FARP1: variants seen among roughly 807,000 people sequenced by gnomAD.
FARP1 encodes the protein FERM, ARH/RhoGEF and pleckstrin domain protein 1.
In FARP1, 52 loss-of-function variants were observed where a neutral mutation model predicts 128.8. The observed-to-expected ratio is 0.40, with a 90% CI of 0.32 to 0.51. FARP1 has a LOEUF of 0.51. Ranked by LOEUF, FARP1 falls within the 20% of genes least tolerant of loss-of-function variation. FARP1 has a pLI of 0.45. For missense variants in FARP1, 1,333 were observed against 1,367.9 expected, an observed-to-expected ratio of 0.97 and a Z score of 0.40; for synonymous variants, 580 against 551.8, an observed-to-expected ratio of 1.05 and a Z score of -0.72.
chr13:98,309,349 T>C (rs536774305), intron 2 of FARP1, among the ~76,000 whole-genome samples: 1 of 150,598 alleles, frequency 6.6e-6, no homozygotes. Context: ...TTTTGTATTT[T>C]TAGTAGAGAC....
At position 98,390,881 on chromosome 13, in the gene FARP1, G is replaced by A. The variant is rs1303860624; in HGVS notation, c.1088+1G>A. The stretch of plus-strand genomic sequence containing the variant: ...GACATAAGAAGGTGCAGTTTGAAAG[G>A]TAAGAGAAGCTTCAATGCTACTTCC... On this transcript the variant is annotated splice_donor_variant, in intron 11 of 26. Coordinates refer to ENST00000319562, the MANE Select transcript of FARP1 (RefSeq NM_005766.4). LOFTEE classifies it high-confidence loss of function. The A allele has an allele frequency of 6.2e-7, 1 of 1,607,618 alleles. No homozygotes were observed. Among genetic ancestry groups the A allele is most frequent in the Non-Finnish European group, 8.5e-7 (1 of 1,174,312 alleles).
At chr13:98,365,283 C>A in intron 3 of FARP1, 112 bp from the exon 4 acceptor site, 1 of 732,224 alleles carries the variant, frequency 1.4e-6, no homozygotes, top group Non-Finnish European at 2.3e-6. Flanking sequence ...GAACAGGCGG[C>A]CTCATATCCT....
At chr13:98,440,359 C>A in intron 23 of FARP1, 124 bp downstream of exon 23, 1 of 753,268 alleles carries the variant, frequency 1.3e-6, no homozygotes, top group East Asian at 2.5e-5. Context: ...TGTTTAAAGC[C>A]AAAGATCAAG....
chr13:98,318,958 T>TG lies in FARP1; in HGVS notation c.172-24804_172-24803insG, dbSNP rs1886868218. On this transcript the variant is annotated intron_variant, in intron 2 of 26. Transcript: ENST00000319562. ...GAGCTTAGTTTTTTCTTGTTTTTTT[T>TG]TTTTTTTTTTTGTTTGTTTGTTTTG... is the stretch of plus-strand genomic sequence containing the variant. Among the ~76,000 whole-genome samples the TG allele has an allele frequency of 2.0e-5, 3 of 147,056 alleles. No individual in the cohort carries two copies. The South Asian group carries it at 6.6e-4, about 32-fold the overall frequency.
intron 5 of FARP1, among the ~76,000 whole-genome samples, chr13:98,375,179 T>G (rs913926681): frequency 6.6e-6 from 1 of 152,188 alleles, no homozygotes; most frequent in Non-Finnish European, 1.5e-5. Context: ...TAGAGATTGT[T>G]CATTGGATTC....
intron 2 of FARP1, among the ~76,000 whole-genome samples, chr13:98,280,177 C>T (rs1201430855): frequency 4.6e-5 from 7 of 152,208 alleles, no homozygotes; most frequent in African/African-American, 7.2e-5. Context: ...AATCAGCTGG[C>T]GTCACTTCTG....
chr13:98,191,229 C>T (rs1224873654), intron 1 of FARP1, among the ~76,000 whole-genome samples: 1 of 152,168 alleles, frequency 6.6e-6, no homozygotes, highest in East Asian at 1.9e-4. Flanking sequence ...CCGTACTAAC[C>T]TTTGAGAACA....
rs1890489964 is a variant in FARP1 at position 98,395,448 on chromosome 13, T to C, written c.1386T>C (p.Ser462=). Residue 462 remains serine, a synonymous_variant, in exon 13 of 27, where the codon AGT becomes AGC. Transcript: ENST00000319562. ...TCGTTAAGGATAGGACCCAGCAGAG[T>C]AAACCTCAGCCCCCGCAGCCAAGCA... ...EEVVKDRTQQ[S]KPQPPQPSTG... 6.3e-7 allele frequency: 1 copy of C among 1,595,220 alleles called. No individual in the cohort carries two copies. Among genetic ancestry groups the C allele is most frequent in the Admixed American group, 1.7e-5 (1 of 59,312 alleles).
intron 2 of FARP1, among the ~76,000 whole-genome samples, chr13:98,268,450 C>G (rs118167446): frequency 6.6e-6 from 1 of 152,184 alleles, no homozygotes; most frequent in African/African-American, 2.4e-5. Flanking sequence ...TCTACGCTGA[C>G]TAAAGATTCT....
At chr13:98,407,078 A>G (rs1431657382) in intron 13 of FARP1, 2 of 152,636 alleles carry the variant, frequency 1.3e-5, no homozygotes, top group African/African-American at 2.4e-5. Flanking sequence ...AACTCTTTCA[A>G]TGATGAGGTG....
chr13:98,318,605 G>T (rs1174797164), intron 2 of FARP1, among the ~76,000 whole-genome samples: 1 of 152,144 alleles, frequency 6.6e-6, no homozygotes, highest in African/African-American at 2.4e-5. Context: ...CATCTCCCTG[G>T]TAGAAGTGGC....
At chr13:98,208,364 G>C (rs1880428739) in intron 1 of FARP1, among the ~76,000 whole-genome samples, 2 of 151,074 alleles carry the variant, frequency 1.3e-5, no homozygotes, top group Admixed American at 1.3e-4. Flanking sequence ...TGTAATCCCA[G>C]CTACTGGGGA....
chr13:98,223,252 T>A (rs2139370343), intron 2 of FARP1, among the ~76,000 whole-genome samples: 1 of 152,354 alleles, frequency 6.6e-6, no homozygotes, highest in Non-Finnish European at 1.5e-5. Context: ...GACAAATGTT[T>A]TACTTGAAAT....
At chr13:98,209,823 A>G (rs1203736631) in intron 1 of FARP1, among the ~76,000 whole-genome samples, 26 of 134,676 alleles carry the variant, frequency 1.9e-4, no homozygotes, top group African/African-American at 6.2e-4. Flanking sequence ...AAAAAAAAAA[A>G]AAAAAAGAAA....
intron 1 of FARP1, among the ~76,000 whole-genome samples, chr13:98,155,347 A>G (rs998516303): frequency 6.9e-6 from 1 of 144,202 alleles, no homozygotes. Flanking sequence ...CTGTCTCAAA[A>G]AAAAAAAAAA....
chr13:98,439,234 C>CG, intron 21 of FARP1, 38 bp downstream of exon 21: 2 of 1,466,930 alleles, frequency 1.4e-6, no homozygotes, highest in Non-Finnish European at 1.9e-6. Flanking sequence ...GGCCTGTCCT[C>CG]GGGGGCAGCA....
intron 5 of FARP1, among the ~76,000 whole-genome samples, chr13:98,373,362 C>T (rs1159920814): frequency 6.6e-6 from 1 of 152,128 alleles, no homozygotes; most frequent in African/African-American, 2.4e-5. Context: ...ATGAAGCCCT[C>T]CTATTTAATG....
intron 2 of FARP1, among the ~76,000 whole-genome samples, chr13:98,295,828 G>A (rs964268594): frequency 1.3e-5 from 2 of 152,116 alleles, no homozygotes; most frequent in Non-Finnish European, 2.9e-5. Context: ...GAAGACTGGG[G>A]TATGTATGCA....
At chr13:98,322,548 G>T (rs2139794075) in intron 2 of FARP1, among the ~76,000 whole-genome samples, 1 of 84,778 alleles carries the variant, frequency 1.2e-5, no homozygotes, top group African/African-American at 4.5e-5. Flanking sequence ...ACTTGTCAGT[G>T]CTCCTTAGCC....
Sources: gnomAD v4.1 joint callset for allele counts (sites outside exome capture counted in the v4.1 genomes callset) on GRCh38, gnomAD v4.1.1 for gene constraint, MANE v1.5 for transcripts, NCBI Gene and HGNC (gene_info 2026-07-23, HGNC 2026-07-21) for gene names.